The following OSMR variants were observed in gnomAD, a reference collection of about 807,000 sequenced individuals.
OSMR encodes oncostatin-M-specific receptor subunit beta.
In OSMR, 81 loss-of-function variants were observed where a neutral mutation model predicts 99.9. The observed-to-expected ratio is 0.81, with a 90% CI of 0.68 to 0.97. OSMR has a LOEUF of 0.97. Among genes scored for constraint, OSMR ranks in the 50% least tolerant of loss-of-function variants. The pLI is 0.00. For missense variants in OSMR, 1,099 were observed against 1,153.4 expected (o/e 0.95, Z 0.68); for synonymous variants, 406 against 410.4 (o/e 0.99, Z 0.13).
Position 38,869,073 on chromosome 5 carries a change from C to T in OSMR, c.29C>T (p.Thr10Ile). 1.9e-6 allele frequency: 3 copies of T among 1,613,788 alleles called. No individual in the cohort carries two copies. The highest frequency in any genetic ancestry group is 2.5e-6 in the Non-Finnish European group (3 of 1,179,666). The change falls in exon 2 of 18, where the codon ACA becomes ATA. Residue 10 changes from threonine (T) to isoleucine (I), a missense_variant. Thr to Ile is a moderately conservative substitution (Grantham distance 89). Transcript: ENST00000274276. MALFAVFQT[T>I]FFLTLLSLRT... ...GCTCTATTTGCAGTCTTTCAGACAA[C>T]ATTCTTCTTAACATTGCTGTCCTTG...
Position 38,933,435 on chromosome 5 carries a change from C to G in OSMR, c.2931C>G (p.His977Gln). ...TTACCCTTTTAGATCCAGGTGAACA[C>G]TACTGCTAACCAGCATGCCGATTTC... is the stretch of plus-strand genomic sequence containing the variant. ...SSITLLDPGE[H>Q]YC Residue 977 changes from histidine to glutamine, a missense_variant, in exon 18 of 18, where the codon CAC (histidine) becomes CAG (glutamine). Coordinates refer to ENST00000274276, the MANE Select transcript of OSMR (RefSeq NM_003999.3). The G allele has an allele frequency of 1.2e-6, 2 of 1,614,136 alleles. No individual in the cohort carries two copies. The highest frequency in any genetic ancestry group is 1.7e-6 in the Non-Finnish European group (2 of 1,179,992).
At chr5:38,869,656 A>G (rs1464991950) in intron 2 of OSMR, among the ~76,000 whole-genome samples, 1 of 152,206 alleles carries the variant, frequency 6.6e-6, no homozygotes, top group Non-Finnish European at 1.5e-5. Flanking sequence ...TAAATAAATA[A>G]TATTTGTCAC....
rs766803531 is a variant in OSMR at position 38,935,008 on chromosome 5, TATCTTTA to T, written c.*1565_*1571del. ...GCACCACCACACCCAGGTAATTTTG[TATCTTTA>T]GTAGAGATGGGGTTTCACCATGTTG... On this transcript the variant is annotated 3_prime_UTR_variant, in exon 18 of 18. Coordinates refer to ENST00000274276, the MANE Select transcript of OSMR (RefSeq NM_003999.3). 192 of 152,218 alleles carry T rather than the reference TATCTTTA, an allele frequency of 1.3e-3. No homozygotes were observed. The highest frequency in any genetic ancestry group is 1.9e-3 in the Non-Finnish European group (131 of 68,040). The allele number at this position is 152,218 out of a possible 1,614,324, so 9.4% of individuals were successfully genotyped here.
rs1404706226 is a variant in OSMR, at chr5:38,883,899, T to C, written c.491T>C (p.Val164Ala). Reference sequence around the variant, plus strand: ...AAGCTGGTGGAAGAAGGCACCAATGTTACCATTTGTTACGTTTCTAGGAAC... The same window carrying C: ...AAGCTGGTGGAAGAAGGCACCAATGCTACCATTTGTTACGTTTCTAGGAAC... The part of the protein sequence containing the change: ...KDKLVEEGTN[V>A]TICYVSRNIQ... The change falls in exon 5 of 18, where the codon GTT becomes GCT. Residue 164 changes from valine (V) to alanine (A), a missense_variant. Coordinates refer to ENST00000274276, the MANE Select transcript of OSMR (RefSeq NM_003999.3). 1.2e-6 allele frequency: 2 copies of C among 1,613,578 alleles called. No individual in the cohort carries two copies. The highest frequency in any genetic ancestry group is 2.2e-5 in the South Asian group (2 of 91,066).
chr5:38,855,699 C>G (rs893942615), intron 1 of OSMR, among the ~76,000 whole-genome samples: 3 of 150,904 alleles, frequency 2.0e-5, no homozygotes, highest in African/African-American at 7.3e-5. Flanking sequence ...CCCCCCCAAC[C>G]CCCACTGCCA....
intron 15 of OSMR, among the ~76,000 whole-genome samples, chr5:38,927,116 G>C (rs1746507447): frequency 1.3e-5 from 2 of 152,258 alleles, no homozygotes; most frequent in South Asian, 4.1e-4. Context: ...GTCTTGGACA[G>C]TTCCACCCCT....
intron 2 of OSMR, 55 bp downstream of exon 2, chr5:38,869,172 C>A: frequency 2.4e-6 from 3 of 1,272,756 alleles, no homozygotes; most frequent in South Asian, 2.4e-5. Flanking sequence ...CAAATGAAGT[C>A]ATTGATGCTT....
chr5:38,919,505 C>A, intron 11 of OSMR: 1 of 425,988 alleles, frequency 2.3e-6, no homozygotes, highest in East Asian at 7.7e-5. Flanking sequence ...CTGGCATCAA[C>A]TTTCACCACA....
intron 7 of OSMR, among the ~76,000 whole-genome samples, chr5:38,897,825 T>A (rs982820474): frequency 6.6e-6 from 1 of 152,136 alleles, no homozygotes; most frequent in Non-Finnish European, 1.5e-5. Context: ...GTTTCTCTTA[T>A]CATTTGTTTC....
At chr5:38,870,330 CTT>C (rs374861159) in intron 2 of OSMR, among the ~76,000 whole-genome samples, 24 of 115,114 alleles carry the variant, frequency 2.1e-4, no homozygotes, top group African/African-American at 1.0e-4. Flanking sequence ...GAATGATTTT[CTT>C]TTTTTTTTTT....
At chr5:38,854,588 T>C (rs1206769304) in intron 1 of OSMR, among the ~76,000 whole-genome samples, 1 of 152,144 alleles carries the variant, frequency 6.6e-6, no homozygotes, top group Non-Finnish European at 1.5e-5. Context: ...TTGACAATAG[T>C]AAAAGTAGAA....
At chr5:38,925,053 G>A (rs112213742) in intron 14 of OSMR, 151 bp from the exon 15 acceptor site, 6 of 1,485,602 alleles carry the variant, frequency 4.0e-6, no homozygotes, top group African/African-American at 2.8e-5. Flanking sequence ...CCATGGTGAT[G>A]AAATTATGAT....
downstream of OSMR, chr5:38,938,113 T>A (rs2112737611): frequency 4.8e-6 from 1 of 209,820 alleles, no homozygotes; most frequent in South Asian, 1.9e-4. Flanking sequence ...AATGAAATAT[T>A]CTTACAGAAA....
intron 15 of OSMR, among the ~76,000 whole-genome samples, chr5:38,929,764 C>T (rs1746634401): frequency 6.6e-6 from 1 of 151,990 alleles, no homozygotes; most frequent in Non-Finnish European, 1.5e-5. Context: ...AAGATGTGTA[C>T]TAATACAGTG....
chr5:38,885,163 A>G, intron 5 of OSMR, 186 bp from the exon 6 acceptor site: 3 of 985,048 alleles, frequency 3.0e-6, no homozygotes, highest in Middle Eastern at 5.2e-4. Flanking sequence ...AGGAAGGAGA[A>G]GGGGCCAAGA....
chr5:38,925,074 T>C, intron 14 of OSMR, 130 bp from the exon 15 acceptor site: 1 of 1,506,750 alleles, frequency 6.6e-7, no homozygotes, highest in South Asian at 1.3e-5. Flanking sequence ...TTGATTTTTG[T>C]TTGGTATAAA....
At chr5:38,938,947 G>A (rs1232771906), downstream of OSMR, 2 of 232,852 alleles carry the variant, frequency 8.6e-6, no homozygotes, top group East Asian at 1.2e-4. Flanking sequence ...AATGGATTGT[G>A]AATCTGAGAC....
intron 9 of OSMR, among the ~76,000 whole-genome samples, chr5:38,907,049 C>T (rs1745285207): frequency 6.6e-6 from 1 of 152,126 alleles, no homozygotes; most frequent in Admixed American, 6.5e-5. Context: ...AGGTCCTAGC[C>T]AGAGGAATCA....
At chr5:38,852,353 A>G (rs1000364104) in intron 1 of OSMR, among the ~76,000 whole-genome samples, 8 of 152,246 alleles carry the variant, frequency 5.3e-5, no homozygotes, top group Non-Finnish European at 1.0e-4. Flanking sequence ...CAAGAGAAAT[A>G]CACATAGAAT....
Sources: allele counts gnomAD v4.1 joint callset (sites outside exome capture counted in the v4.1 genomes callset), GRCh38; gene constraint gnomAD v4.1.1; transcripts MANE v1.5; gene names NCBI Gene and HGNC (gene_info 2026-07-23, HGNC 2026-07-21).